Variants in MRC1 observed in about 807,000 individuals in gnomAD.
The protein encoded by MRC1 is mannose receptor C-type 1, also known as macrophage mannose receptor 1.
Under a neutral mutation model 102.9 loss-of-function variants are expected in MRC1, and 62 were observed. That is an observed-to-expected ratio of 0.60 (90% confidence interval 0.49 to 0.74). The LOEUF is 0.74. Ranked by LOEUF, MRC1 falls within the 30% of genes least tolerant of loss-of-function variation. The probability of loss-of-function intolerance (pLI) is 0.00; values close to 1 mark genes in which losing one functional copy is unlikely to be tolerated. For synonymous variants in MRC1, 457 were observed against 298.4 expected (o/e 1.53, Z -5.48); for missense variants, 1,237 against 862.8 (o/e 1.43, Z -5.43).
chr10:17,866,482 G>A, intron 11 of MRC1, 80 bp from the exon 12 acceptor site: 1 of 780,570 alleles, frequency 1.3e-6, no homozygotes. Flanking sequence ...CTGATGCTCG[G>A]TTCTGAGTGC....
At chr10:17,825,829 A>C (rs979667470) in intron 2 of MRC1, among the ~76,000 whole-genome samples, 6 of 152,188 alleles carry the variant, frequency 3.9e-5, no homozygotes, top group Non-Finnish European at 8.8e-5. Flanking sequence ...AACTAACCCC[A>C]AGGTGGTCTT....
At chr10:17,870,417 G>A in intron 13 of MRC1, 44 bp downstream of exon 13, 1 of 779,646 alleles carries the variant, frequency 1.3e-6, no homozygotes, top group Non-Finnish European at 2.4e-6. Flanking sequence ...TTATCTAGTT[G>A]GTGCTTATGA....
intron 4 of MRC1, among the ~76,000 whole-genome samples, chr10:17,836,269 A>G (rs373080431): frequency 0.13 from 19,412 of 152,190 alleles, 1,798 homozygotes; most frequent in African/African-American, 0.27. Context: ...GAAAAGCAAT[A>G]TGATGTCACT....
intron 18 of MRC1, among the ~76,000 whole-genome samples, chr10:17,879,503 A>G (rs1263302494): frequency 6.6e-6 from 1 of 152,156 alleles, no homozygotes; most frequent in East Asian, 1.9e-4. Flanking sequence ...ACAGGAGCCC[A>G]CAACCATGCC....
chr10:17,817,355 C>G (rs2130579496), intron 1 of MRC1, among the ~76,000 whole-genome samples: 1 of 151,152 alleles, frequency 6.6e-6, no homozygotes, highest in African/African-American at 2.4e-5. Flanking sequence ...TTGCATGTTA[C>G]TGGATGTTTA....
rs1024352973 is a variant in MRC1, at chr10:17,812,208, A to G, written c.61+2682A>G. Among the ~76,000 whole-genome samples the G allele has an allele frequency of 4.4e-4, 67 of 152,276 alleles. 1 individual carries two copies. Among genetic ancestry groups the G allele is most frequent in the African/African-American group, 1.5e-3 (64 of 41,556 alleles). ...CAGGAGTCTAGAGGTTAACAGGGCT[A>G]GACGCTCACCTTTCCTACTGTTGTT... On this transcript the variant is annotated intron_variant, in intron 1 of 29. Coordinates refer to ENST00000569591, the MANE Select transcript of MRC1 (RefSeq NM_002438.4).
chr10:17,844,393 T>C (rs1838795145), intron 5 of MRC1, among the ~76,000 whole-genome samples: 1 of 152,152 alleles, frequency 6.6e-6, no homozygotes, highest in South Asian at 2.1e-4. Flanking sequence ...GATTTTTTTG[T>C]ATTTTTAGTA....
intron 3 of MRC1, among the ~76,000 whole-genome samples, chr10:17,828,181 C>A (rs933871713): frequency 0.014 from 2,203 of 152,198 alleles, 42 homozygotes; most frequent in African/African-American, 0.047. Flanking sequence ...AGTTCACGCC[C>A]TTCTCCTGCC....
intron 21 of MRC1, among the ~76,000 whole-genome samples, chr10:17,881,464 T>C (rs1229845976): frequency 6.6e-6 from 1 of 152,150 alleles, no homozygotes; most frequent in Non-Finnish European, 1.5e-5. Flanking sequence ...GGAGCTTGCC[T>C]GTTAAGCATT....
intron 8 of MRC1, among the ~76,000 whole-genome samples, chr10:17,854,195 G>A (rs999923189): frequency 0.041 from 6,235 of 152,220 alleles, 390 homozygotes; most frequent in African/African-American, 0.13. Flanking sequence ...CAAGCGATCT[G>A]CCTGCCTCAG....
chr10:17,891,054 A>C (rs1833665415), intron 22 of MRC1, among the ~76,000 whole-genome samples: 1 of 151,398 alleles, frequency 6.6e-6, no homozygotes, highest in South Asian at 2.1e-4. Flanking sequence ...CATTACCCCC[A>C]GATGGGACCA....
At chr10:17,879,478 T>G (rs1447478090) in intron 18 of MRC1, among the ~76,000 whole-genome samples, 1 of 152,188 alleles carries the variant, frequency 6.6e-6, no homozygotes, top group Non-Finnish European at 1.5e-5. Context: ...CTCAGCCTCC[T>G]GAGTGGCTGG....
chr10:17,881,024 C>T (rs1368160337), intron 20 of MRC1, 43 bp from the exon 21 acceptor site: 3 of 779,392 alleles, frequency 3.8e-6, no homozygotes, highest in South Asian at 1.3e-5. Flanking sequence ...TTTAGTTAAC[C>T]CCTGCAGTTT....
Position 17,827,805 on chromosome 10 carries a change from C to T in MRC1, c.637+90C>T, listed in dbSNP as rs1190852184. 8 of 762,438 alleles carry T rather than the reference C, an allele frequency of 1.0e-5. No individual in the cohort carries two copies. The African/African-American group carries it at 1.2e-4, about 11-fold the overall frequency. 47.2% of individuals were successfully genotyped at this position (762,438 alleles called of 1,614,324 possible). A position where few individuals can be genotyped will look rare whatever the true frequency, so the allele number is the denominator to read the frequency against. ...TGAATTTATCTAGAGCATTTTTCCC[C>T]AAAGTTATTTCACATTTACGACCTC... On this transcript the variant is annotated intron_variant, in intron 3 of 29. Transcript: ENST00000569591.
intron 22 of MRC1, among the ~76,000 whole-genome samples, chr10:17,888,896 A>G (rs1167479025): frequency 3.9e-5 from 6 of 152,058 alleles, no homozygotes; most frequent in Non-Finnish European, 8.8e-5. Flanking sequence ...GGATTTATCT[A>G]TTTATCTTTG....
Position 17,863,588 on chromosome 10 carries a change from C to T in MRC1, c.1689C>T (p.Phe563=). Residue 563 remains phenylalanine, a synonymous_variant, in exon 11 of 30, where the codon TTC becomes TTT. Transcript: ENST00000569591. ...TTGGCTTAAGGCCTGAAAAATATTT[C>T]TGGACAGGACTTTCAGATATACAAA... ...SFVGLRPEKY[F]WTGLSDIQTK... is the part of the protein sequence containing the mutation. 1.3e-6 allele frequency: 1 copy of T among 780,840 alleles called. No individual in the cohort carries two copies. Among genetic ancestry groups the T allele is most frequent in the Non-Finnish European group, 2.4e-6 (1 of 417,964 alleles). The allele number at this position is 780,840 out of a possible 1,614,324, so 48.4% of individuals were successfully genotyped here.
chr10:17,907,399 G>A, intron 27 of MRC1, 135 bp from the exon 28 acceptor site: 2 of 701,442 alleles, frequency 2.9e-6, no homozygotes, highest in South Asian at 3.4e-5. Context: ...AGTCTTGCCT[G>A]TTAAGTCTGG....
chr10:17,811,642 C>A (rs1271106597), intron 1 of MRC1, among the ~76,000 whole-genome samples: 1 of 152,146 alleles, frequency 6.6e-6, no homozygotes, highest in Non-Finnish European at 1.5e-5. Context: ...CTCACTGCAG[C>A]CTTGACATCT....
rs1038801611 is a variant in MRC1 at position 17,809,463 on chromosome 10, G to T, written c.-3G>T. ...AGGAGAAGGAAAGGATAAACCCTGG[G>T]CCATGAGGCTACCCCTGCTCCTGGT... On this transcript the variant is annotated 5_prime_UTR_variant, in exon 1 of 30. Coordinates refer to ENST00000569591, the MANE Select transcript of MRC1 (RefSeq NM_002438.4). The T allele has an allele frequency of 2.3e-6, 2 of 872,752 alleles. No individual in the cohort carries two copies. Among genetic ancestry groups the T allele is most frequent in the Non-Finnish European group, 4.0e-6 (2 of 501,512 alleles). The allele number at this position is 872,752 out of a possible 1,614,324, so 54.1% of individuals were successfully genotyped here.
Sources: gnomAD v4.1 joint callset for allele counts (sites outside exome capture counted in the v4.1 genomes callset) on GRCh38, gnomAD v4.1.1 for gene constraint, MANE v1.5 for transcripts, NCBI Gene and HGNC (gene_info 2026-07-23, HGNC 2026-07-21) for gene names.